STRBP: variants seen among roughly 807,000 people sequenced by gnomAD.
STRBP encodes the protein spermatid perinuclear RNA-binding protein.
A neutral mutation model predicts 80.1 loss-of-function variants in STRBP; 13 were observed. The observed-to-expected ratio is 0.16, with a 90% confidence interval of 0.11 to 0.26. The LOEUF (loss-of-function observed/expected upper bound fraction) is 0.26. STRBP is among the 10% of genes least tolerant of loss of function. The probability of loss-of-function intolerance (pLI) is 1.00; values close to 1 mark genes in which losing one functional copy is unlikely to be tolerated. For missense variants in STRBP, 485 were observed against 815.2 expected, an observed-to-expected ratio of 0.59 and a Z score of 4.93; for synonymous variants, 284 against 291.2, an observed-to-expected ratio of 0.98 and a Z score of 0.25.
chr9:123,175,174 A>T (rs535087573), intron 4 of STRBP, among the ~76,000 whole-genome samples: 1 of 152,362 alleles, frequency 6.6e-6, no homozygotes, highest in African/African-American at 2.4e-5. Context: ...AAAATGGCAA[A>T]GCCTAAATTC....
At chr9:123,149,225 C>T (rs2036951474) in intron 11 of STRBP, among the ~76,000 whole-genome samples, 1 of 152,178 alleles carries the variant, frequency 6.6e-6, no homozygotes, top group Non-Finnish European at 1.5e-5. Flanking sequence ...ACACTGACTT[C>T]AGCATTTGCT....
chr9:123,227,592 G>A (rs987790045), intron 2 of STRBP, among the ~76,000 whole-genome samples: 43 of 132,314 alleles, frequency 3.2e-4, no homozygotes, highest in Non-Finnish European at 5.8e-4. Context: ...TTGAGATAGA[G>A]TCTCACTCTG....
At position 123,215,572 on chromosome 9, in the gene STRBP, G is replaced by T. The variant is rs559076950; in HGVS notation, c.-165+21258C>A. Among the ~76,000 whole-genome samples the T allele has an allele frequency of 3.5e-4, 53 of 152,252 alleles. No homozygotes were observed. The East Asian group carries it at 9.5e-3, about 27-fold the overall frequency. ...AATTTGGGAGGCCAAATTACCTGAGGTCAGGAGTTTGAGACCAGCCTGGCC... is the reference window on the plus strand; with the variant it reads ...AATTTGGGAGGCCAAATTACCTGAGTTCAGGAGTTTGAGACCAGCCTGGCC... On this transcript the variant is annotated intron_variant, in intron 2 of 18. Transcript: ENST00000348403.
chr9:123,191,558 G>T (rs1393288027), intron 2 of STRBP, among the ~76,000 whole-genome samples: 2 of 152,118 alleles, frequency 1.3e-5, no homozygotes, highest in Admixed American at 6.6e-5. Context: ...TGCCTTTGTG[G>T]TGCAAATGTA....
At chr9:123,263,023 G>A (rs1039732854) in intron 1 of STRBP, among the ~76,000 whole-genome samples, 2 of 152,100 alleles carry the variant, frequency 1.3e-5, no homozygotes, top group South Asian at 2.1e-4. Context: ...AATTAGACTC[G>A]ATTCACTAGC....
intron 11 of STRBP, among the ~76,000 whole-genome samples, chr9:123,152,858 C>T (rs989768805): frequency 1.3e-5 from 2 of 152,192 alleles, no homozygotes; most frequent in Non-Finnish European, 2.9e-5. Context: ...TGGCATAAAA[C>T]TTACACACAC....
Position 123,123,379 on chromosome 9 carries a change from A to C in STRBP, c.*2218T>G. ...CAACAGGTGGGGGGACACTTAATTC[A>C]TTACAGAATTTAAACAGTTGAACTT... is the stretch of plus-strand genomic sequence containing the variant. On this transcript the variant is annotated 3_prime_UTR_variant, in exon 19 of 19. Coordinates refer to ENST00000348403, the MANE Select transcript of STRBP (RefSeq NM_018387.5). The C allele has an allele frequency of 2.0e-6, 2 of 985,446 alleles. No individual in the cohort carries two copies. Among genetic ancestry groups the C allele is most frequent in the Non-Finnish European group, 2.4e-6 (2 of 829,936 alleles). The allele number at this position is 985,446 out of a possible 1,614,324, so 61.0% of individuals were successfully genotyped here. A position where few individuals can be genotyped will look rare whatever the true frequency, so the allele number is the denominator to read the frequency against.
chr9:123,230,709 C>T (rs543313901), intron 2 of STRBP, among the ~76,000 whole-genome samples: 18 of 152,264 alleles, frequency 1.2e-4, no homozygotes, highest in African/African-American at 4.3e-4. Context: ...AAAAGCTATA[C>T]ACTATTAATA....
rs747871543 is a variant in STRBP, at chr9:123,179,214, G to T, written c.17C>A (p.Ser6Tyr). ...AACATGGCGATCATCATTAGCAAAA[G>T]ATCGAATAGATCTCTGTTAGAAGGA... MRSIR[S>Y]FANDDRHVMV... is the part of the protein sequence containing the mutation. The change falls in exon 4 of 19, where the codon TCT becomes TAT. Residue 6 changes from serine to tyrosine, a missense_variant. By Grantham distance (144) the Ser-to-Tyr change is moderately radical. Around this residue, in one of 3 missense-constraint regions of STRBP, gnomAD observed 377 missense variants for 616.1 expected, o/e 0.61. Coordinates refer to ENST00000348403, the MANE Select transcript of STRBP (RefSeq NM_018387.5). The T allele has an allele frequency of 2.5e-6, 4 of 1,605,292 alleles. No homozygotes were observed. The African/African-American group carries it at 5.3e-5, about 21-fold the overall frequency.
chr9:123,232,057 A>G (rs1482280961), intron 2 of STRBP, among the ~76,000 whole-genome samples: 9 of 152,152 alleles, frequency 5.9e-5, no homozygotes, highest in South Asian at 2.1e-4. Context: ...CACACCTGTA[A>G]TCACAGCACT....
chr9:123,140,377 T>G (rs946982470), intron 13 of STRBP, among the ~76,000 whole-genome samples: 2 of 152,132 alleles, frequency 1.3e-5, no homozygotes, highest in African/African-American at 4.8e-5. Context: ...GGTGGATCAT[T>G]TGAGGTCAGG....
chr9:123,241,369 T>C lies in STRBP; in HGVS notation c.-301-4403A>G, dbSNP rs114083411. The stretch of plus-strand genomic sequence containing the variant: ...AGAATTTTTTTCAATTAGCTGGTTG[T>C]GGTGGTGCGCACGCCTACGATCCCA... On this transcript the variant is annotated intron_variant, in intron 1 of 18. Coordinates refer to ENST00000348403, the MANE Select transcript of STRBP (RefSeq NM_018387.5). Among the ~76,000 whole-genome samples, 1,094 of 151,828 alleles carry C rather than the reference T, an allele frequency of 7.2e-3. 12 individuals carry two copies. The highest frequency in any genetic ancestry group is 0.025 in the African/African-American group (1,035 of 41,386).
At chr9:123,244,362 G>A (rs1437941927) in intron 1 of STRBP, among the ~76,000 whole-genome samples, 1 of 152,130 alleles carries the variant, frequency 6.6e-6, no homozygotes, top group Non-Finnish European at 1.5e-5. Context: ...TATTCTGTAT[G>A]ATACTGTAAC....
chr9:123,241,689 C>T (rs2040698969), intron 1 of STRBP, among the ~76,000 whole-genome samples: 1 of 152,138 alleles, frequency 6.6e-6, no homozygotes, highest in African/African-American at 2.4e-5. Flanking sequence ...CAGAACACAT[C>T]CTGTTGACTC....
intron 2 of STRBP, among the ~76,000 whole-genome samples, chr9:123,216,339 A>G (rs961161192): frequency 2.0e-5 from 3 of 152,226 alleles, no homozygotes; most frequent in African/African-American, 4.8e-5. Context: ...CACAATGCCT[A>G]GATAGTAAGC....
At position 123,115,348 on chromosome 9, in the gene STRBP, C is replaced by T. The variant is rs1467620846; in HGVS notation, c.*84+581G>A. On this transcript the variant is annotated intron_variant and NMD_transcript_variant, in intron 3 of 3. Coordinates refer to the STRBP transcript ENST00000471564. The surrounding 1 kb of genome is among the most constrained non-coding windows in gnomAD (Gnocchi z 5.0). ...CTCCTCTCCTGCCCTCGGCGGGAGACCTGGGAACGGGCCTGCCAGCGCCCA... is the reference window on the plus strand; with the variant it reads ...CTCCTCTCCTGCCCTCGGCGGGAGATCTGGGAACGGGCCTGCCAGCGCCCA... The T allele has an allele frequency of 4.2e-6, 2 of 471,056 alleles. No homozygotes were observed. Among genetic ancestry groups the T allele is most frequent in the South Asian group, 3.1e-5 (2 of 64,560 alleles). The allele number at this position is 471,056 out of a possible 1,614,324, so 29.2% of individuals were successfully genotyped here. A position where few individuals can be genotyped will look rare whatever the true frequency, so the allele number is the denominator to read the frequency against.
At position 123,115,982 on chromosome 9, in the gene STRBP, T is replaced by TAA; in HGVS notation, c.*30_*31insTT. 1 of 456,196 alleles carries TAA rather than the reference T, an allele frequency of 2.2e-6. No homozygotes were observed. Among genetic ancestry groups the TAA allele is most frequent in the South Asian group, 1.5e-5 (1 of 64,560 alleles). The allele number at this position is 456,196 out of a possible 1,614,324, so 28.3% of individuals were successfully genotyped here. On this transcript the variant is annotated 3_prime_UTR_variant and NMD_transcript_variant, in exon 3 of 4. Coordinates refer to the STRBP transcript ENST00000471564. The surrounding 1 kb of genome is among the most constrained non-coding windows in gnomAD (Gnocchi z 5.0). ...GTCTCCTCTTCACCAGCCTTAACCT[T>TAA]CTGGTCCTTCCATCTCATTTCAAGG...
chr9:123,172,043 T>C (rs998800690), intron 5 of STRBP, among the ~76,000 whole-genome samples: 1 of 152,244 alleles, frequency 6.6e-6, no homozygotes, highest in Non-Finnish European at 1.5e-5. Context: ...CAACTAAAGC[T>C]TGGCCCAATC....
rs1364883243 is a variant in STRBP at position 123,192,612 on chromosome 9, G to T, written c.-164-8314C>A. 2.0e-5 allele frequency among the ~76,000 whole-genome samples: 3 copies of T among 152,060 alleles called. No homozygotes were observed. In the East Asian group the frequency reaches 5.8e-4, roughly 29 times the overall value. ...TCTCAATTTTTAAAAAGGGAAAGGG[G>T]GATAGTGCATAGGAACAGGAATCTT... On this transcript the variant is annotated intron_variant, in intron 2 of 18. Coordinates refer to ENST00000348403, the MANE Select transcript of STRBP (RefSeq NM_018387.5).
Sources: gnomAD v4.1 joint callset for allele counts (sites outside exome capture counted in the v4.1 genomes callset) on GRCh38, gnomAD v4.1.1 for gene constraint, gnomAD v4.1.1 regional missense constraint, Gnocchi (gnomAD v3.1) non-coding constraint, MANE v1.5 for transcripts, NCBI Gene and HGNC (gene_info 2026-07-23, HGNC 2026-07-21) for gene names.